SAMD7: variants seen among roughly 807,000 people sequenced by gnomAD.
The protein encoded by SAMD7 is sterile alpha motif domain-containing protein 7.
SAMD7 carries 34 observed loss-of-function variants against 36.7 expected under a neutral mutation model. That is an observed-to-expected ratio of 0.93 (90% CI 0.71 to 1.23). The LOEUF is 1.23. Ranked by LOEUF, SAMD7 falls within the 50% of genes most tolerant of loss-of-function variation. The pLI is 0.00. For missense variants in SAMD7, 570 were observed against 546.6 expected (o/e 1.04, Z -0.43); for synonymous variants, 188 against 189.7 (o/e 0.99, Z 0.07).
intron 3 of SAMD7, among the ~76,000 whole-genome samples, chr3:169,920,785 G>A (rs996017675): frequency 3.3e-5 from 5 of 152,052 alleles, no homozygotes; most frequent in African/African-American, 1.2e-4. Flanking sequence ...AACTTCTAGA[G>A]ACCACTAAAG....
chr3:169,923,546 A>G (rs1559950336), intron 4 of SAMD7, among the ~76,000 whole-genome samples: 1 of 152,188 alleles, frequency 6.6e-6, no homozygotes, highest in Non-Finnish European at 1.5e-5. Context: ...GTTCGAGACC[A>G]TCCTGGTCAA....
In SAMD7 at chr3:169,927,026, T is replaced by C; in HGVS notation, c.764T>C (p.Leu255Pro). ...GCTCTTGCCAACACCTGTGGAGAGC[T>C]CGAGCCCACCCATAGGAAACCCTGG... Reference protein sequence around the residue: ...TTALANTCGELEPTHRKPWGS... With the variant: ...TTALANTCGEPEPTHRKPWGS... The change falls in exon 6 of 9, where the codon CTC becomes CCC. Residue 255 changes from leucine (L) to proline (P), a missense_variant. By Grantham distance (98) the Leu-to-Pro change is moderately conservative (BLOSUM62 -3). Coordinates refer to ENST00000335556, the MANE Select transcript of SAMD7 (RefSeq NM_001304366.2). 1 of 1,613,488 alleles carries C rather than the reference T, an allele frequency of 6.2e-7. No homozygotes were observed. The highest frequency in any genetic ancestry group is 8.5e-7 in the Non-Finnish European group (1 of 1,179,826).
chr3:169,916,574 G>A (rs1247049495), intron 2 of SAMD7, among the ~76,000 whole-genome samples: 4 of 152,124 alleles, frequency 2.6e-5, no homozygotes, highest in African/African-American at 9.7e-5. Flanking sequence ...CTTGAACCCG[G>A]GCGACAGAGG....
At position 169,926,763 on chromosome 3, in the gene SAMD7, G is replaced by A. The variant is rs773869696; in HGVS notation, c.501G>A (p.Ala167=). 1.2e-5 allele frequency: 20 copies of A among 1,613,730 alleles called. No homozygotes were observed. The highest frequency in any genetic ancestry group is 1.7e-5 in the Non-Finnish European group (20 of 1,179,982). The change falls in exon 6 of 9, where the codon GCG becomes GCA. Residue 167 remains alanine, a synonymous_variant. Transcript: ENST00000335556. The part of the protein sequence containing the change: ...LRNLQGNPML[A]ATAPHFEESW... ...ACCTTCAGGGAAACCCCATGCTAGC[G>A]GCAACTGCACCACACTTTGAGGAGA...
chr3:169,932,665 T>C (rs1021395619), intron 7 of SAMD7: 1 of 555,000 alleles, frequency 1.8e-6, no homozygotes, highest in Non-Finnish European at 3.6e-6. Flanking sequence ...TGGAAAAATC[T>C]GTCACACTTT....
chr3:169,922,054 G>A (rs1713067832), intron 4 of SAMD7, among the ~76,000 whole-genome samples: 1 of 152,182 alleles, frequency 6.6e-6, no homozygotes, highest in African/African-American at 2.4e-5. Context: ...TGGAGTTGCT[G>A]CTCACTGAGT....
At chr3:169,921,420 C>T (rs1713038715) in intron 4 of SAMD7, 82 bp downstream of exon 4, 12 of 1,448,218 alleles carry the variant, frequency 8.3e-6, no homozygotes, top group Non-Finnish European at 1.2e-5. Flanking sequence ...TCAAATTACT[C>T]CTAAATTTTG....
chr3:169,928,407 A>T (rs1441171813), intron 6 of SAMD7, 50 bp from the exon 7 acceptor site: 2 of 1,530,926 alleles, frequency 1.3e-6, no homozygotes, highest in Non-Finnish European at 1.8e-6. Flanking sequence ...TAATGTAACT[A>T]TACATAAACC....
At chr3:169,935,158 G>A (rs1479924003) in intron 7 of SAMD7, among the ~76,000 whole-genome samples, 3 of 152,180 alleles carry the variant, frequency 2.0e-5, no homozygotes, top group African/African-American at 4.8e-5. Context: ...GAAACCCTTT[G>A]GAGAAATCTA....
At chr3:169,937,116 C>A (rs756085270) in intron 8 of SAMD7, among the ~76,000 whole-genome samples, 5 of 152,110 alleles carry the variant, frequency 3.3e-5, no homozygotes, top group Non-Finnish European at 7.4e-5. Flanking sequence ...AACTGGCTTG[C>A]AAACTTCCTA....
At chr3:169,917,888 G>A (rs958099788) in intron 2 of SAMD7, among the ~76,000 whole-genome samples, 2 of 151,414 alleles carry the variant, frequency 1.3e-5, no homozygotes, top group Non-Finnish European at 2.9e-5. Context: ...TGATCCGCCC[G>A]CCTCGGCCTC....
rs75610534 is a variant in SAMD7 at position 169,917,248 on chromosome 3, T to C, written c.-42+1807T>C. Among the ~76,000 whole-genome samples the C allele has an allele frequency of 7.5e-3, 1,144 of 152,336 alleles. 12 individuals carry two copies. Among genetic ancestry groups the C allele is most frequent in the African/African-American group, 0.026 (1,063 of 41,572 alleles). ...CATTATATTTTTAGTATTTGAACCA[T>C]GTGAATGAATTAACCTCTATTTTAA... On this transcript the variant is annotated intron_variant, in intron 2 of 8. Transcript: ENST00000335556.
intron 3 of SAMD7, among the ~76,000 whole-genome samples, chr3:169,919,887 G>C (rs1360352546): frequency 6.6e-6 from 1 of 152,060 alleles, no homozygotes; most frequent in African/African-American, 2.4e-5. Flanking sequence ...ATAAAATACT[G>C]CAGACAGCCG....
intron 2 of SAMD7, among the ~76,000 whole-genome samples, chr3:169,917,629 A>G (rs989608625): frequency 5.0e-5 from 7 of 141,278 alleles, no homozygotes; most frequent in African/African-American, 1.7e-4. Context: ...TTGTTTGTTT[A>G]TTTATTTATT....
chr3:169,937,238 A>G (rs1240122101), intron 8 of SAMD7, among the ~76,000 whole-genome samples: 2 of 151,842 alleles, frequency 1.3e-5, no homozygotes, highest in Non-Finnish European at 2.9e-5. Context: ...GGATGACTGT[A>G]TTGGCCTTCT....
intron 4 of SAMD7, among the ~76,000 whole-genome samples, chr3:169,922,678 T>G (rs568734994): frequency 1.3e-4 from 20 of 152,164 alleles, no homozygotes; most frequent in Non-Finnish European, 2.5e-4. Context: ...TTTTGTATTA[T>G]TAGTAGAGAC....
chr3:169,916,129 C>A lies in SAMD7; in HGVS notation c.-42+688C>A, dbSNP rs1331324835. Reference sequence around the variant, plus strand: ...AACACATTTTGACATGCACAATGGACGAACCTGAAGGACATTATGCTAAGT... The same window carrying A: ...AACACATTTTGACATGCACAATGGAAGAACCTGAAGGACATTATGCTAAGT... On this transcript the variant is annotated intron_variant, in intron 2 of 8. Coordinates refer to ENST00000335556, the MANE Select transcript of SAMD7 (RefSeq NM_001304366.2). Among the ~76,000 whole-genome samples the A allele has an allele frequency of 2.0e-5, 3 of 152,080 alleles. No homozygotes were observed. The South Asian group carries it at 6.2e-4, about 32-fold the overall frequency.
intron 8 of SAMD7, among the ~76,000 whole-genome samples, chr3:169,937,323 A>G (rs529976788): frequency 8.0e-4 from 122 of 152,060 alleles, no homozygotes; most frequent in African/African-American, 2.9e-3. Context: ...AACATGTGCC[A>G]TGGTGGTTTG....
intron 7 of SAMD7, chr3:169,932,171 A>C: frequency 1.6e-6 from 1 of 634,136 alleles, no homozygotes; most frequent in East Asian, 3.7e-5. Context: ...CTGTCACCCA[A>C]GTTGGACCAC....
Sources: allele counts gnomAD v4.1 joint callset (sites outside exome capture counted in the v4.1 genomes callset), GRCh38; gene constraint gnomAD v4.1.1; transcripts MANE v1.5; gene names NCBI Gene and HGNC (gene_info 2026-07-23, HGNC 2026-07-21).